COL1A1: variants seen among roughly 807,000 people sequenced by gnomAD.
COL1A1 encodes collagen alpha-1(I) chain.
COL1A1 carries 21 observed loss-of-function variants against 195.7 expected under a neutral mutation model. The observed-to-expected ratio is 0.11, with a 90% CI of 0.08 to 0.15. The LOEUF is 0.15. Ranked by LOEUF, COL1A1 falls within the 10% of genes least tolerant of loss-of-function variation. The pLI, the probability that COL1A1 is intolerant of heterozygous loss-of-function variation, is 1.00. For synonymous variants in COL1A1, 749 were observed against 747.3 expected (o/e 1.00, Z -0.04); for missense variants, 1,365 against 2,051.0 (o/e 0.67, Z 6.46).
chr17:50,199,671 C>A (rs1907901583), intron 2 of COL1A1, 81 bp from the exon 3 acceptor site: 3 of 1,608,170 alleles, frequency 1.9e-6, no homozygotes, highest in Non-Finnish European at 2.5e-6. Flanking sequence ...CACGGAGGGC[C>A]AGCGAGCGCC....
rs1322482932 is a variant in COL1A1 at position 50,197,933 on chromosome 17, T to C, written c.642+16A>G. 9 of 1,613,398 alleles carry C rather than the reference T, an allele frequency of 5.6e-6. No individual in the cohort carries two copies. The highest frequency in any genetic ancestry group is 2.7e-5 in the African/African-American group (2 of 74,824). On this transcript the variant is annotated intron_variant, in intron 8 of 50. Transcript: ENST00000225964. ...TGTTTGTAGAAGGAGTATGAATCTG[T>C]ATAGAGAGTGCTTACTGAAGCTCCA...
chr17:50,193,915 T>A (rs1484419323), intron 25 of COL1A1, 28 bp downstream of exon 25: 2 of 1,600,198 alleles, frequency 1.2e-6, no homozygotes, highest in Admixed American at 3.3e-5. Context: ...TGTCCCTGGC[T>A]CTTCATGGAT....
chr17:50,193,484 C>CTTTTTT (rs3062009), intron 25 of COL1A1: 21 of 169,478 alleles, frequency 1.2e-4, no homozygotes, highest in South Asian at 5.2e-4. Flanking sequence ...TTTCTTTCTT[C>CTTTTTT]TTTTTTTTTT....
chr17:50,197,523 G>T (rs1907698690), intron 9 of COL1A1, among the ~76,000 whole-genome samples: 1 of 152,230 alleles, frequency 6.6e-6, no homozygotes, highest in Non-Finnish European at 1.5e-5. Context: ...CTCTAAGGTG[G>T]CTGGGGTGAG....
intron 1 of COL1A1, among the ~76,000 whole-genome samples, chr17:50,200,508 A>G (rs1241775540): frequency 6.6e-6 from 1 of 152,200 alleles, no homozygotes; most frequent in African/African-American, 2.4e-5. Flanking sequence ...CCTAACCTCC[A>G]GCACCTAGAC....
chr17:50,193,079 C>A (rs141800676), intron 25 of COL1A1, 32 bp from the exon 26 acceptor site: 6 of 1,611,418 alleles, frequency 3.7e-6, no homozygotes, highest in Admixed American at 1.7e-5. Flanking sequence ...GTTGAGGGGG[C>A]TGAAGTGAGA....
At chr17:50,187,777 G>A (rs1906683901) in intron 45 of COL1A1, 99 bp downstream of exon 45, 8 of 1,203,744 alleles carry the variant, frequency 6.6e-6, no homozygotes, top group Non-Finnish European at 1.2e-6. Flanking sequence ...CCACTAGGGA[G>A]GGGAAAGAAT....
rs1555573640 is a variant in COL1A1 at position 50,194,021 on chromosome 17, A to G, written c.1689T>C (p.Gly563=). Residue 563 remains glycine, a synonymous_variant, in exon 25 of 51, where the codon GGT becomes GGC. Transcript: ENST00000225964. The surrounding 1 kb of genome is among the most constrained non-coding windows in gnomAD (Gnocchi z 6.8). ...TGPPGPAGQD[G]RPGPPGPPGA... ...CAGGTGGGCCTGGGGGTCCGGGGCG[A>G]CCATCTTGACCGGCGGGACCCTAAG... The G allele has an allele frequency of 1.2e-6, 2 of 1,613,692 alleles. No individual in the cohort carries two copies. The highest frequency in any genetic ancestry group is 1.7e-5 in the Admixed American group (1 of 59,986).
chr17:50,188,919 C>G lies in COL1A1; in HGVS notation c.3029G>C (p.Gly1010Ala). 2 of 1,610,638 alleles carry G rather than the reference C, an allele frequency of 1.2e-6. No individual in the cohort carries two copies. The highest frequency in any genetic ancestry group is 1.7e-6 in the Non-Finnish European group (2 of 1,177,076). The change falls in exon 41 of 51, where the codon GGT becomes GCT. Residue 1010 changes from glycine (G) to alanine (A), a missense_variant. This residue lies in a region of COL1A1 where 671 missense variants were observed against 1,099.9 expected (regional missense o/e 0.61). Transcript: ENST00000225964. The surrounding 1 kb of genome is among the most constrained non-coding windows in gnomAD (Gnocchi z 5.6). ...MGPPGLAGPP[G>A]ESGREGAPGA... ...ACTGCTCACCTCACGTCCAGATTCACCAGGGGGTCCAGCCAATCCAGGGGG... is the reference window on the plus strand; with the variant it reads ...ACTGCTCACCTCACGTCCAGATTCAGCAGGGGGTCCAGCCAATCCAGGGGG...
chr17:50,200,104 T>C, intron 1 of COL1A1, 157 bp from the exon 2 acceptor site: 5 of 811,516 alleles, frequency 6.2e-6, no homozygotes, highest in Non-Finnish European at 1.0e-5. Flanking sequence ...CTGCTCCTCA[T>C]CAGCGCGGGT....
At position 50,189,766 on chromosome 17, in the gene COL1A1, A is replaced by G. The variant is rs1211637273; in HGVS notation, c.2614-34T>C. On this transcript the variant is annotated intron_variant, in intron 37 of 50. Transcript: ENST00000225964. The surrounding 1 kb of genome is among the most constrained non-coding windows in gnomAD (Gnocchi z 5.5). Reference sequence around the variant, plus strand: ...AGAGAACATAGGAACAGTCAGAGGGAGAACAGCCAACTCATCCGACCCAGC... The same window carrying G: ...AGAGAACATAGGAACAGTCAGAGGGGGAACAGCCAACTCATCCGACCCAGC... 16 of 1,613,664 alleles carry G rather than the reference A, an allele frequency of 9.9e-6. No individual in the cohort carries two copies. The highest frequency in any genetic ancestry group is 1.4e-5 in the Non-Finnish European group (16 of 1,179,750).
At chr17:50,198,048 A>G in intron 7 of COL1A1, 46 bp from the exon 8 acceptor site, 1 of 1,610,110 alleles carries the variant, frequency 6.2e-7, no homozygotes, top group Non-Finnish European at 8.5e-7. Flanking sequence ...GTCCCTGTCA[A>G]CCTTCTCCAA....
intron 29 of COL1A1, 160 bp downstream of exon 29, chr17:50,192,315 C>T (rs771220670): frequency 1.2e-6 from 1 of 854,408 alleles, no homozygotes; most frequent in African/African-American, 1.7e-5. Flanking sequence ...ATCATGCAGC[C>T]CCCACTTCCC....
rs552047891 is a variant in COL1A1 at position 50,200,621 on chromosome 17, G to C, written c.104-674C>G. ...AACCAAAAAGTCCGCAAATAGTCCA[G>C]AAGTTAGCTAACCACTCCCACCGCG... On this transcript the variant is annotated intron_variant, in intron 1 of 50. Coordinates refer to ENST00000225964, the MANE Select transcript of COL1A1 (RefSeq NM_000088.4). 1.8e-4 allele frequency among the ~76,000 whole-genome samples: 27 copies of C among 152,274 alleles called. No individual in the cohort carries two copies. In the East Asian group the frequency reaches 5.0e-3, roughly 28 times the overall value.
At chr17:50,200,097 C>T (rs778009740) in intron 1 of COL1A1, 150 bp from the exon 2 acceptor site, 7 of 872,178 alleles carry the variant, frequency 8.0e-6, no homozygotes, top group Non-Finnish European at 1.3e-5. Flanking sequence ...AGCTCGCCTG[C>T]TCCTCATCAG....
Position 50,188,378 on chromosome 17 carries a change from C to A in COL1A1, c.3207+152G>T. ...GAGGGGACTTGGGGCTGAGCTTTAA[C>A]TCAGTTTTTTGGATTAAGGCCCTGA... On this transcript the variant is annotated intron_variant, in intron 43 of 50. Coordinates refer to ENST00000225964, the MANE Select transcript of COL1A1 (RefSeq NM_000088.4). This position sits in a 1 kb window ranked among gnomAD's most constrained non-coding sequence, Gnocchi z 5.6. 1.1e-6 allele frequency: 1 copy of A among 911,028 alleles called. No individual in the cohort carries two copies. The allele number at this position is 911,028 out of a possible 1,614,324, so 56.4% of individuals were successfully genotyped here. A position where few individuals can be genotyped will look rare whatever the true frequency, so the allele number is the denominator to read the frequency against.
In COL1A1 at chr17:50,189,824, G is replaced by A. The variant is rs770711923; in HGVS notation, c.2613+35C>T. On this transcript the variant is annotated intron_variant, in intron 37 of 50. Coordinates refer to ENST00000225964, the MANE Select transcript of COL1A1 (RefSeq NM_000088.4). This position sits in a 1 kb window ranked among gnomAD's most constrained non-coding sequence, Gnocchi z 5.5. ...ACCTGCCACCGCTGCCTGGGGAGAG[G>A]GGAGAGGCTCAACAGAGAGGCGGGT... The A allele has an allele frequency of 1.9e-6, 3 of 1,612,668 alleles. No individual in the cohort carries two copies. Among genetic ancestry groups the A allele is most frequent in the Non-Finnish European group, 2.5e-6 (3 of 1,179,294 alleles).
In COL1A1 at chr17:50,195,167, C is replaced by A; in HGVS notation, c.1299+65G>T. Reference sequence around the variant, plus strand: ...CTCAGTTGGCCTGCGTCTTCCTGCTCCCCAGATGAGAGCCGCACTGGAGCC... The same window carrying A: ...CTCAGTTGGCCTGCGTCTTCCTGCTACCCAGATGAGAGCCGCACTGGAGCC... On this transcript the variant is annotated intron_variant, in intron 19 of 50. Coordinates refer to ENST00000225964, the MANE Select transcript of COL1A1 (RefSeq NM_000088.4). This position sits in a 1 kb window ranked among gnomAD's most constrained non-coding sequence, Gnocchi z 4.3. 1.9e-6 allele frequency: 3 copies of A among 1,606,274 alleles called. No homozygotes were observed. The highest frequency in any genetic ancestry group is 2.6e-6 in the Non-Finnish European group (3 of 1,173,186).
chr17:50,201,372 T>C, intron 1 of COL1A1, 39 bp downstream of exon 1: 1 of 1,589,790 alleles, frequency 6.3e-7, no homozygotes, highest in Non-Finnish European at 8.6e-7. Flanking sequence ...CAAGGCGCGA[T>C]ATAGAGTATC....
Sources: allele counts gnomAD v4.1 joint callset (sites outside exome capture counted in the v4.1 genomes callset), GRCh38; gene constraint gnomAD v4.1.1; regional missense constraint gnomAD v4.1.1; non-coding constraint Gnocchi (gnomAD v3.1); transcripts MANE v1.5; gene names NCBI Gene and HGNC (gene_info 2026-07-23, HGNC 2026-07-21).